SPAG16: variants seen among roughly 807,000 people sequenced by gnomAD.
The protein encoded by SPAG16 is sperm associated antigen 16.
Under a neutral mutation model 80.4 loss-of-function variants are expected in SPAG16, and 86 were observed. The ratio of observed to expected loss-of-function variants is 1.07; its 90% CI spans 0.90 to 1.28. The LOEUF (loss-of-function observed/expected upper bound fraction) is 1.28, where lower values mean the gene tolerates loss of function less well. Among genes scored for constraint, SPAG16 ranks in the 50% most tolerant of loss-of-function variants. The pLI is 0.00. For missense variants in SPAG16, 870 were observed against 765.3 expected (o/e 1.14, Z -1.61); for synonymous variants, 294 against 265.9 (o/e 1.11, Z -1.03).
At chr2:213,954,341 T>C (rs1167371841) in intron 12 of SPAG16, among the ~76,000 whole-genome samples, 1 of 152,132 alleles carries the variant, frequency 6.6e-6, no homozygotes, top group Non-Finnish European at 1.5e-5. Context: ...AATGTTGTAG[T>C]ATGTATCAAT....
intron 10 of SPAG16, among the ~76,000 whole-genome samples, chr2:213,760,080 G>T (rs1051836930): frequency 6.6e-6 from 1 of 151,928 alleles, no homozygotes; most frequent in Non-Finnish European, 1.5e-5. Context: ...AATGACAGAA[G>T]TAGCTTCCTT....
chr2:213,864,192 C>A (rs1168807759), intron 11 of SPAG16, among the ~76,000 whole-genome samples: 1 of 152,008 alleles, frequency 6.6e-6, no homozygotes, highest in Non-Finnish European at 1.5e-5. Context: ...TGCAAACCAA[C>A]ACTAAATAGC....
At chr2:214,281,498 G>A (rs1348096224) in intron 15 of SPAG16, 1 of 157,086 alleles carries the variant, frequency 6.4e-6, no homozygotes. Flanking sequence ...GAGACTTCTA[G>A]GCTCAGCAGC....
At position 213,881,573 on chromosome 2, in the gene SPAG16, G is replaced by A. The variant is rs528027672; in HGVS notation, c.1214+18945G>A. ...GGGAGGCCTCAGGAAACTTACAATC[G>A]TGGCAGAAGGTGAAGAGGGGAACAA... On this transcript the variant is annotated intron_variant, in intron 11 of 15. Transcript: ENST00000331683. Among the ~76,000 whole-genome samples, 40 of 152,232 alleles carry A rather than the reference G, an allele frequency of 2.6e-4. No homozygotes were observed. In the South Asian group the frequency reaches 5.8e-3, roughly 22 times the overall value.
intron 10 of SPAG16, among the ~76,000 whole-genome samples, chr2:213,837,678 G>A (rs75123134): frequency 0.037 from 5,650 of 152,220 alleles, 121 homozygotes; most frequent in East Asian, 0.071. Context: ...CCCAAAACCC[G>A]GAATCCATAA....
chr2:213,835,103 G>T (rs2074001602), intron 10 of SPAG16, among the ~76,000 whole-genome samples: 1 of 151,958 alleles, frequency 6.6e-6, no homozygotes. Context: ...CATTTTAGTG[G>T]GAAATTTAGG....
chr2:213,941,450 A>G (rs2079194483), intron 12 of SPAG16, among the ~76,000 whole-genome samples: 1 of 151,882 alleles, frequency 6.6e-6, no homozygotes, highest in African/African-American at 2.4e-5. Flanking sequence ...ACACACACAA[A>G]CACACACATA....
At chr2:214,131,651 A>T (rs1447246636) in intron 14 of SPAG16, among the ~76,000 whole-genome samples, 2 of 152,120 alleles carry the variant, frequency 1.3e-5, no homozygotes, top group East Asian at 3.9e-4. Flanking sequence ...CTATTAAGCC[A>T]TGAAAAGAGA....
intron 15 of SPAG16, among the ~76,000 whole-genome samples, chr2:214,309,194 T>C (rs377299605): frequency 1.3e-5 from 2 of 152,162 alleles, no homozygotes; most frequent in African/African-American, 4.8e-5. Flanking sequence ...ATTAATACTT[T>C]TGTAATTGCA....
At chr2:213,321,262 A>G (rs1191326950) in intron 5 of SPAG16, among the ~76,000 whole-genome samples, 2 of 152,072 alleles carry the variant, frequency 1.3e-5, no homozygotes, top group Non-Finnish European at 2.9e-5. Context: ...TAAAATTAAT[A>G]TTTATCTGGG....
chr2:213,507,358 C>G (rs2075008248), intron 10 of SPAG16, among the ~76,000 whole-genome samples: 1 of 152,226 alleles, frequency 6.6e-6, no homozygotes, highest in Admixed American at 6.5e-5. Context: ...AAAATTACCA[C>G]TGATATCAGG....
intron 9 of SPAG16, among the ~76,000 whole-genome samples, chr2:213,393,737 C>A (rs932948852): frequency 6.6e-6 from 1 of 151,782 alleles, no homozygotes; most frequent in Non-Finnish European, 1.5e-5. Context: ...ACAGAGAGCT[C>A]CTACTACTCT....
chr2:213,302,408 C>A (rs2062772927), intron 3 of SPAG16: 2 of 151,996 alleles, frequency 1.3e-5, no homozygotes, highest in Non-Finnish European at 2.9e-5. Flanking sequence ...ATTTTGTAAT[C>A]AAAATTTGTA....
chr2:214,220,146 C>A (rs2058530822), intron 15 of SPAG16, among the ~76,000 whole-genome samples: 1 of 151,774 alleles, frequency 6.6e-6, no homozygotes, highest in African/African-American at 2.4e-5. Context: ...ATTTTTATAC[C>A]TAAGTTAGCT....
intron 10 of SPAG16, among the ~76,000 whole-genome samples, chr2:213,837,527 A>G (rs558251284): frequency 3.9e-5 from 6 of 152,376 alleles, no homozygotes; most frequent in African/African-American, 1.4e-4. Flanking sequence ...CAGCCCCGGT[A>G]AAATGTTGCT....
intron 13 of SPAG16, among the ~76,000 whole-genome samples, chr2:214,028,262 G>A (rs2048235406): frequency 1.3e-5 from 2 of 151,992 alleles, no homozygotes; most frequent in African/African-American, 2.4e-5. Flanking sequence ...AGTAGAACTA[G>A]TCTATTGTAC....
intron 3 of SPAG16, among the ~76,000 whole-genome samples, chr2:213,304,086 G>T (rs1464173394): frequency 6.6e-6 from 1 of 152,080 alleles, no homozygotes; most frequent in Non-Finnish European, 1.5e-5. Flanking sequence ...TTTAACTGGG[G>T]TGAGATGATA....
rs145255933 is a variant in SPAG16, at chr2:213,639,018, C to T, written c.1070+148928C>T. Among the ~76,000 whole-genome samples the T allele has an allele frequency of 2.6e-3, 397 of 152,212 alleles. 1 individual carries two copies. The highest frequency in any genetic ancestry group is 8.2e-3 in the African/African-American group (339 of 41,544). ...TAATGTTCCTCTTTGTCTTTTTTAA[C>T]TGCTGTCACTTTAAAGTCTGTTTTG... is the stretch of plus-strand genomic sequence containing the variant. On this transcript the variant is annotated intron_variant, in intron 10 of 15. Coordinates refer to ENST00000331683, the MANE Select transcript of SPAG16 (RefSeq NM_024532.5).
intron 13 of SPAG16, among the ~76,000 whole-genome samples, chr2:214,036,444 C>T (rs560030712): frequency 1.3e-5 from 2 of 152,224 alleles, no homozygotes; most frequent in South Asian, 2.1e-4. Flanking sequence ...ACAGGGGAGT[C>T]GTTGCTTCTA....
Sources: gnomAD v4.1 joint callset for allele counts (sites outside exome capture counted in the v4.1 genomes callset) on GRCh38, gnomAD v4.1.1 for gene constraint, MANE v1.5 for transcripts, NCBI Gene and HGNC (gene_info 2026-07-23, HGNC 2026-07-21) for gene names.